The following SIPA1L2 variants were observed in gnomAD, a reference collection of about 807,000 sequenced individuals.
SIPA1L2 encodes signal induced proliferation associated 1 like 2.
A neutral mutation model predicts 163.9 loss-of-function variants in SIPA1L2; 56 were observed. The ratio of observed to expected loss-of-function variants is 0.34; its 90% confidence interval spans 0.28 to 0.43. The LOEUF is 0.43. Ranked by LOEUF, SIPA1L2 falls within the 20% of genes least tolerant of loss-of-function variation. SIPA1L2 has a pLI of 1.00. For missense variants in SIPA1L2, 1,974 were observed against 2,193.5 expected (o/e 0.90, Z 2.00); for synonymous variants, 877 against 865.7 (o/e 1.01, Z -0.23).
chr1:232,461,062 C>G lies in SIPA1L2; in HGVS notation c.2920G>C (p.Val974Leu). 1 of 1,614,294 alleles carries G rather than the reference C, an allele frequency of 6.2e-7. No homozygotes were observed. Among genetic ancestry groups the G allele is most frequent in the Non-Finnish European group, 8.5e-7 (1 of 1,180,056 alleles). ...HVNFEGIVAD[V>L]EPFGFAWKAG... is the part of the protein sequence containing the mutation. ...TTCCAGGCAAAGCCAAAAGGTTCCA[C>G]ATCTGCGACAATTCCTTCAAAATTC... Residue 974 changes from valine to leucine, a missense_variant, in exon 10 of 23, where the codon GTG (valine) becomes CTG (leucine). Val to Leu is a conservative substitution (Grantham distance 32, BLOSUM62 1). Coordinates refer to ENST00000674635, the MANE Select transcript of SIPA1L2 (RefSeq NM_020808.5).
At chr1:232,597,222 G>A (rs919107421) in intron 1 of SIPA1L2, among the ~76,000 whole-genome samples, 1 of 152,054 alleles carries the variant, frequency 6.6e-6, no homozygotes, top group Admixed American at 6.5e-5. Context: ...TTAAAACGTG[G>A]CATCAATACC....
chr1:232,421,405 A>C (rs1188780057), intron 18 of SIPA1L2, among the ~76,000 whole-genome samples: 1 of 151,058 alleles, frequency 6.6e-6, no homozygotes, highest in East Asian at 2.3e-4. Context: ...GTCTGAGTTT[A>C]TTGCTATTAT....
intron 15 of SIPA1L2, among the ~76,000 whole-genome samples, chr1:232,435,655 T>C (rs1443019232): frequency 1.3e-5 from 2 of 152,200 alleles, no homozygotes; most frequent in African/African-American, 4.8e-5. Context: ...ATTTATTTCA[T>C]TTTGCAAAGC....
At chr1:232,455,795 T>C (rs1344770402) in intron 10 of SIPA1L2, among the ~76,000 whole-genome samples, 3 of 151,982 alleles carry the variant, frequency 2.0e-5, no homozygotes, top group Non-Finnish European at 4.4e-5. Flanking sequence ...CCATGTCTTT[T>C]GCAGCAACAC....
intron 2 of SIPA1L2, among the ~76,000 whole-genome samples, chr1:232,544,136 T>G (rs1018609983): frequency 1.3e-5 from 2 of 152,350 alleles, no homozygotes; most frequent in South Asian, 4.1e-4. Flanking sequence ...TCTTTTTTTT[T>G]TTTATCCTCT....
At chr1:232,466,113 G>T (rs1664499764) in intron 8 of SIPA1L2, among the ~76,000 whole-genome samples, 1 of 152,160 alleles carries the variant, frequency 6.6e-6, no homozygotes, top group Non-Finnish European at 1.5e-5. Context: ...AAGCAGGCTG[G>T]CACTCTATAA....
intron 11 of SIPA1L2, among the ~76,000 whole-genome samples, chr1:232,444,689 C>T (rs1420685401): frequency 1.3e-5 from 2 of 152,180 alleles, no homozygotes; most frequent in Non-Finnish European, 2.9e-5. Context: ...CCCACTCAGT[C>T]CTCAAAATTT....
At chr1:232,462,756 A>G (rs1224299786) in intron 9 of SIPA1L2, among the ~76,000 whole-genome samples, 2 of 152,206 alleles carry the variant, frequency 1.3e-5, no homozygotes, top group Admixed American at 6.5e-5. Flanking sequence ...TCAAATATCA[A>G]TGCGATTATC....
intron 1 of SIPA1L2, among the ~76,000 whole-genome samples, chr1:232,583,206 T>A (rs1321961920): frequency 6.6e-6 from 1 of 152,116 alleles, no homozygotes; most frequent in East Asian, 1.9e-4. Context: ...AATAATGATA[T>A]CATTTTAGTA....
chr1:232,417,889 G>A (rs896186127), intron 18 of SIPA1L2, among the ~76,000 whole-genome samples: 1 of 152,150 alleles, frequency 6.6e-6, no homozygotes, highest in Non-Finnish European at 1.5e-5. Context: ...TGAGGGCCGC[G>A]GAGGTCAGGC....
intron 1 of SIPA1L2, among the ~76,000 whole-genome samples, chr1:232,624,185 G>A (rs772657517): frequency 1.3e-5 from 2 of 152,112 alleles, no homozygotes; most frequent in Non-Finnish European, 2.9e-5. Context: ...TGGGATGCAC[G>A]TTGAAAAAAG....
intron 3 of SIPA1L2, among the ~76,000 whole-genome samples, chr1:232,501,802 T>C (rs1666494163): frequency 6.6e-6 from 1 of 152,218 alleles, no homozygotes; most frequent in Non-Finnish European, 1.5e-5. Flanking sequence ...GACTCACTTC[T>C]TGATGGCCTC....
At chr1:232,400,368 T>C (rs986413508) in intron 22 of SIPA1L2, among the ~76,000 whole-genome samples, 2 of 152,172 alleles carry the variant, frequency 1.3e-5, no homozygotes, top group Non-Finnish European at 2.9e-5. Context: ...TTGTGATCCA[T>C]GAACTTGGAT....
At chr1:232,470,128 G>A (rs1200001152) in intron 8 of SIPA1L2, among the ~76,000 whole-genome samples, 2 of 152,052 alleles carry the variant, frequency 1.3e-5, no homozygotes, top group African/African-American at 4.8e-5. Flanking sequence ...AGGAAAAAAA[G>A]GCCAACTCAC....
rs534017430 is a variant in SIPA1L2 at position 232,437,657 on chromosome 1, C to G, written c.4031+1451G>C. Among the ~76,000 whole-genome samples the G allele has an allele frequency of 6.9e-4, 105 of 152,226 alleles. No homozygotes were observed. In the Middle Eastern group the frequency reaches 0.014, roughly 20 times the overall value. On this transcript the variant is annotated intron_variant, in intron 15 of 22. Coordinates refer to ENST00000674635, the MANE Select transcript of SIPA1L2 (RefSeq NM_020808.5). ...TGGTGACAGGGACTGACCCCCAGCC[C>G]AGGCTGAGGGCCCCAAGTGCCGTAG...
chr1:232,500,922 G>A lies in SIPA1L2; in HGVS notation c.1484-7262C>T, dbSNP rs371753827. 2.4e-3 allele frequency among the ~76,000 whole-genome samples: 364 copies of A among 152,002 alleles called. 2 individuals carry two copies. Among genetic ancestry groups the A allele is most frequent in the African/African-American group, 5.7e-3 (236 of 41,458 alleles). ...GTTGTTTTAATAAATTGTCACAGCC[G>A]CCCTAACCTTCAACACCCACCATCC... On this transcript the variant is annotated intron_variant, in intron 3 of 22. Transcript: ENST00000674635.
intron 3 of SIPA1L2, among the ~76,000 whole-genome samples, chr1:232,509,189 C>A (rs1666871278): frequency 6.6e-6 from 1 of 152,258 alleles, no homozygotes; most frequent in Non-Finnish European, 1.5e-5. Context: ...CACTCCCCTG[C>A]AGAAATCCTT....
chr1:232,612,609 G>C (rs966181472), intron 1 of SIPA1L2, among the ~76,000 whole-genome samples: 8 of 152,148 alleles, frequency 5.3e-5, no homozygotes, highest in Non-Finnish European at 1.0e-4. Flanking sequence ...TAACCCCTTT[G>C]TTTTGGTCAG....
intron 18 of SIPA1L2, 150 bp from the exon 19 acceptor site, chr1:232,415,775 C>G (rs879225344): frequency 2.3e-6 from 2 of 885,914 alleles, no homozygotes; most frequent in Non-Finnish European, 3.4e-6. Flanking sequence ...AGTCAGAACA[C>G]GGGCACCACT....
Sources: allele counts gnomAD v4.1 joint callset (sites outside exome capture counted in the v4.1 genomes callset), GRCh38; gene constraint gnomAD v4.1.1; transcripts MANE v1.5; gene names NCBI Gene and HGNC (gene_info 2026-07-23, HGNC 2026-07-21).